ARMC7: variants seen among roughly 807,000 people sequenced by gnomAD.
The protein encoded by ARMC7 is armadillo repeat-containing protein 7.
A neutral mutation model predicts 14.8 loss-of-function variants in ARMC7; 9 were observed. The observed-to-expected ratio is 0.61, with a 90% CI of 0.37 to 1.06. ARMC7 has a LOEUF of 1.06. ARMC7 is among the 50% of genes least tolerant of loss of function. ARMC7 has a pLI of 0.01. For missense variants in ARMC7, 262 were observed against 267.1 expected (o/e 0.98, Z 0.13); for synonymous variants, 125 against 123.4 (o/e 1.01, Z -0.09).
rs750539776 is a variant in ARMC7 at position 75,128,757 on chromosome 17, TGCCTATCCA to T, written c.320_328del (p.Leu107_Ser109del). The T allele has an allele frequency of 9.9e-6, 16 of 1,613,420 alleles. No homozygotes were observed. Among genetic ancestry groups the T allele is most frequent in the Non-Finnish European group, 1.4e-5 (16 of 1,180,008 alleles). ...AGGAGGTGTCCCACTCATCATCAAC[TGCCTATCCA>T]GCCCCAATGAGGAGACGGTGCTGTC... On this transcript the variant is annotated inframe_deletion, in exon 3 of 3. Coordinates refer to ENST00000245543, the MANE Select transcript of ARMC7 (RefSeq NM_024585.4).
chr17:75,118,557 G>A, intron 2 of ARMC7, among the ~76,000 whole-genome samples: 1 of 152,232 alleles, frequency 6.6e-6, no homozygotes, highest in East Asian at 1.9e-4. Context: ...TCCGGCTACA[G>A]CGACCGCGGA....
chr17:75,125,667 G>A (rs1192412719), intron 2 of ARMC7, among the ~76,000 whole-genome samples: 1 of 151,182 alleles, frequency 6.6e-6, no homozygotes, highest in Non-Finnish European at 1.5e-5. Flanking sequence ...GCGAAACCCT[G>A]TCTCTACTAA....
Position 75,128,886 on chromosome 17 carries a change from T to TC in ARMC7, c.448dup (p.Leu150ProfsTer88). ...CGTGGTGCAGTGCATGCTTCGCTTC[T>TC]CCCTCTCGGCCAGCGCCAGGCTCCG... On this transcript the variant is annotated frameshift_variant, in exon 3 of 3. Transcript: ENST00000245543. LOFTEE classifies it high-confidence loss of function. 1 of 1,611,630 alleles carries TC rather than the reference T, an allele frequency of 6.2e-7. No homozygotes were observed. Among genetic ancestry groups the TC allele is most frequent in the Non-Finnish European group, 8.5e-7 (1 of 1,179,920 alleles).
At chr17:75,128,565 G>T in intron 2 of ARMC7, 112 bp from the exon 3 acceptor site, 2 of 1,444,158 alleles carry the variant, frequency 1.4e-6, no homozygotes, top group Non-Finnish European at 1.8e-6. Context: ...TGGATGCCTT[G>T]TGCTGGGGCC....
intron 2 of ARMC7, among the ~76,000 whole-genome samples, chr17:75,113,895 A>G (rs1283702058): frequency 6.6e-6 from 1 of 152,124 alleles, no homozygotes; most frequent in Non-Finnish European, 1.5e-5. Context: ...TCCAAGAGAG[A>G]GGCCCATGCA....
At chr17:75,120,297 G>A (rs2145127536) in intron 2 of ARMC7, among the ~76,000 whole-genome samples, 1 of 152,282 alleles carries the variant, frequency 6.6e-6, no homozygotes, top group East Asian at 1.9e-4. Context: ...TGGCGTGTGA[G>A]CTGAGGTCAC....
At chr17:75,123,358 T>G (rs1161689287) in intron 2 of ARMC7, among the ~76,000 whole-genome samples, 6 of 142,992 alleles carry the variant, frequency 4.2e-5, no homozygotes, top group South Asian at 2.2e-4. Context: ...TTTGAAGACT[T>G]TTTTTTTTTT....
chr17:75,124,493 T>C (rs2074036787), intron 2 of ARMC7, among the ~76,000 whole-genome samples: 1 of 152,216 alleles, frequency 6.6e-6, no homozygotes, highest in South Asian at 2.1e-4. Flanking sequence ...TATCACACTT[T>C]ACACAGAGAG....
At chr17:75,114,430 C>T in intron 2 of ARMC7, 1 of 395,234 alleles carries the variant, frequency 2.5e-6, no homozygotes, top group Non-Finnish European at 4.5e-6. Context: ...TGGGCCTGGG[C>T]TGGGTTCTTG....
intron 2 of ARMC7, among the ~76,000 whole-genome samples, chr17:75,115,003 G>A (rs918289406): frequency 1.3e-5 from 2 of 152,124 alleles, no homozygotes; most frequent in Non-Finnish European, 1.5e-5. Context: ...TCTTTTATCC[G>A]ATGTGGCAGC....
chr17:75,114,427 G>C (rs1219058464), intron 2 of ARMC7: 2 of 395,272 alleles, frequency 5.1e-6, no homozygotes, highest in Non-Finnish European at 8.9e-6. Flanking sequence ...GCGTGGGCCT[G>C]GGCTGGGTTC....
At chr17:75,112,054 G>T (rs1471419119) in intron 2 of ARMC7, among the ~76,000 whole-genome samples, 1 of 148,686 alleles carries the variant, frequency 6.7e-6, no homozygotes, top group East Asian at 1.9e-4. Flanking sequence ...GGAAGGTGGG[G>T]GTTACTTCAG....
At chr17:75,111,301 C>T (rs1423234860) in intron 2 of ARMC7, among the ~76,000 whole-genome samples, 1 of 151,306 alleles carries the variant, frequency 6.6e-6, no homozygotes, top group Non-Finnish European at 1.5e-5. Flanking sequence ...CAAAAATTAG[C>T]CGGGCATGGT....
intron 2 of ARMC7, among the ~76,000 whole-genome samples, chr17:75,118,334 C>T (rs1036264101): frequency 6.6e-6 from 1 of 152,176 alleles, no homozygotes; most frequent in Non-Finnish European, 1.5e-5. Flanking sequence ...CTGCAGGCCC[C>T]TAGAGAAGCC....
At chr17:75,127,634 C>G (rs2074061529) in intron 2 of ARMC7, among the ~76,000 whole-genome samples, 1 of 151,822 alleles carries the variant, frequency 6.6e-6, no homozygotes, top group Non-Finnish European at 1.5e-5. Flanking sequence ...CTCACTCTGT[C>G]GCCCAGGCTG....
At chr17:75,111,020 A>T (rs2073918006) in intron 2 of ARMC7, among the ~76,000 whole-genome samples, 1 of 150,160 alleles carries the variant, frequency 6.7e-6, no homozygotes, top group East Asian at 2.0e-4. Context: ...GCTACTCTGG[A>T]GACTGAAGCA....
At chr17:75,110,630 G>T (rs2145111412) in intron 2 of ARMC7, 24 bp downstream of exon 2, 2 of 1,613,618 alleles carry the variant, frequency 1.2e-6, no homozygotes, top group Non-Finnish European at 1.7e-6. Context: ...CCGTTCCCTA[G>T]ATGCCTAAAT....
chr17:75,115,764 G>A (rs1598165354), intron 2 of ARMC7, among the ~76,000 whole-genome samples: 1 of 152,162 alleles, frequency 6.6e-6, no homozygotes, highest in Admixed American at 6.5e-5. Context: ...GCTGGGCCCT[G>A]GGGTCAGGCA....
In ARMC7 at chr17:75,111,148, C is replaced by T. The variant is rs2073919341; in HGVS notation, c.235+542C>T. Among the ~76,000 whole-genome samples the T allele has an allele frequency of 2.0e-5, 3 of 149,334 alleles. No individual in the cohort carries two copies. In the South Asian group the frequency reaches 6.4e-4, roughly 32 times the overall value. On this transcript the variant is annotated intron_variant, in intron 2 of 2. Transcript: ENST00000245543. The stretch of plus-strand genomic sequence containing the variant: ...TCAAAAAAATATGTTTTAAAAAGAG[C>T]AGTTTTGTAGCCGGGCGCGGTGGCA...
Sources: gnomAD v4.1 joint callset for allele counts (sites outside exome capture counted in the v4.1 genomes callset) on GRCh38, gnomAD v4.1.1 for gene constraint, MANE v1.5 for transcripts, NCBI Gene and HGNC (gene_info 2026-07-23, HGNC 2026-07-21) for gene names.